Variants in STX8 observed in about 807,000 individuals in gnomAD.
The protein encoded by STX8 is syntaxin 8.
A neutral mutation model predicts 37.5 loss-of-function variants in STX8; 23 were observed. The ratio of observed to expected loss-of-function variants is 0.61; its 90% CI spans 0.44 to 0.87. The LOEUF is 0.87. Ranked by LOEUF, STX8 falls within the 40% of genes least tolerant of loss-of-function variation. STX8 has a pLI of 0.00. For synonymous variants in STX8, 115 were observed against 99.1 expected (o/e 1.16, Z -0.95); for missense variants, 313 against 284.7 (o/e 1.10, Z -0.71).
At chr17:9,253,886 A>G (rs192555156) in intron 7 of STX8, among the ~76,000 whole-genome samples, 2 of 152,248 alleles carry the variant, frequency 1.3e-5, no homozygotes, top group Non-Finnish European at 2.9e-5. Context: ...GGAAGAAGAA[A>G]ACACACATCT....
At chr17:9,342,079 T>C (rs1010727905) in intron 7 of STX8, among the ~76,000 whole-genome samples, 1 of 152,080 alleles carries the variant, frequency 6.6e-6, no homozygotes, top group African/African-American at 2.4e-5. Flanking sequence ...GTTTTCGGGA[T>C]GAAACTGTTT....
At chr17:9,526,437 T>C (rs1905573853) in intron 4 of STX8, among the ~76,000 whole-genome samples, 1 of 152,150 alleles carries the variant, frequency 6.6e-6, no homozygotes, top group South Asian at 2.1e-4. Flanking sequence ...CCAACACTCA[T>C]GTATGCTTAG....
In STX8 at chr17:9,545,276, C is replaced by T. The variant is rs1567604944; in HGVS notation, c.219G>A (p.Gln73=). 3 of 1,611,932 alleles carry T rather than the reference C, an allele frequency of 1.9e-6. No individual in the cohort carries two copies. The highest frequency in any genetic ancestry group is 2.5e-6 in the Non-Finnish European group (3 of 1,178,352). The change falls in exon 4 of 8, where the codon CAG becomes CAA. Residue 73 remains glutamine, a synonymous_variant. Transcript: ENST00000306357. The part of the protein sequence containing the change: ...LRAVSTHQIT[Q]LEGDRRQNLL... ...GGTTCTGTCTTCGGTCCCCTTCAAG[C>T]TGTGTTCTGCAGATATCTTGTTAAG...
chr17:9,320,490 A>T (rs1909540909), intron 7 of STX8, among the ~76,000 whole-genome samples: 1 of 152,216 alleles, frequency 6.6e-6, no homozygotes, highest in Non-Finnish European at 1.5e-5. Context: ...ATCATTAACC[A>T]TAGCTCATTT....
chr17:9,520,196 G>C (rs1263391510), intron 4 of STX8, among the ~76,000 whole-genome samples: 1 of 152,184 alleles, frequency 6.6e-6, no homozygotes, highest in African/African-American at 2.4e-5. Flanking sequence ...AACAAAATGA[G>C]AGAAGCATTT....
intron 7 of STX8, among the ~76,000 whole-genome samples, chr17:9,335,215 G>A (rs527800277): frequency 2.2e-4 from 33 of 152,284 alleles, no homozygotes; most frequent in South Asian, 8.3e-4. Flanking sequence ...GGTTACCTGC[G>A]TCAGGAATAA....
chr17:9,445,788 C>G (rs1424246301), intron 6 of STX8, among the ~76,000 whole-genome samples: 1 of 151,748 alleles, frequency 6.6e-6, no homozygotes, highest in Non-Finnish European at 1.5e-5. Flanking sequence ...TTTTTTTGCA[C>G]ATCTTTTCTA....
intron 7 of STX8, among the ~76,000 whole-genome samples, chr17:9,262,699 A>G (rs1318841964): frequency 6.6e-6 from 1 of 151,880 alleles, no homozygotes; most frequent in Non-Finnish European, 1.5e-5. Flanking sequence ...CTCCTGCCTC[A>G]GCCTCCCGAG....
At chr17:9,531,393 A>AT (rs1396697724) in intron 4 of STX8, among the ~76,000 whole-genome samples, 1 of 152,220 alleles carries the variant, frequency 6.6e-6, no homozygotes, top group Non-Finnish European at 1.5e-5. Context: ...TGACTTTACA[A>AT]TATTGAGTCT....
chr17:9,362,299 T>C (rs1407427359), intron 7 of STX8, among the ~76,000 whole-genome samples: 1 of 152,116 alleles, frequency 6.6e-6, no homozygotes, highest in Admixed American at 6.6e-5. Flanking sequence ...TACTCGGGCC[T>C]GCATGACAGT....
chr17:9,374,899 AC>A (rs1370623958), intron 7 of STX8, among the ~76,000 whole-genome samples: 1 of 151,934 alleles, frequency 6.6e-6, no homozygotes, highest in Non-Finnish European at 1.5e-5. Context: ...CTCCATCTCT[AC>A]TAAAAATACA....
At chr17:9,296,280 A>G (rs1055614215) in intron 7 of STX8, among the ~76,000 whole-genome samples, 25 of 151,754 alleles carry the variant, frequency 1.6e-4, no homozygotes, top group African/African-American at 5.6e-4. Context: ...TGGGAGGCAG[A>G]GCTTGCAGTG....
At chr17:9,528,445 G>A (rs887674907) in intron 4 of STX8, among the ~76,000 whole-genome samples, 26 of 152,254 alleles carry the variant, frequency 1.7e-4, no homozygotes, top group Middle Eastern at 3.4e-3. Flanking sequence ...TTACAGGCGC[G>A]TGCCACCATG....
At chr17:9,526,752 C>T (rs1306877115) in intron 4 of STX8, among the ~76,000 whole-genome samples, 2 of 151,956 alleles carry the variant, frequency 1.3e-5, no homozygotes, top group East Asian at 3.9e-4. Flanking sequence ...TGCCTGTAAT[C>T]CCAGCTACTC....
chr17:9,379,855 C>T (rs965421185), intron 6 of STX8, among the ~76,000 whole-genome samples: 3 of 151,906 alleles, frequency 2.0e-5, no homozygotes, highest in Non-Finnish European at 2.9e-5. Context: ...GTAATCCTAC[C>T]TACTCGGGAG....
intron 2 of STX8, among the ~76,000 whole-genome samples, chr17:9,565,922 T>C (rs12449320): frequency 0.76 from 115,697 of 152,188 alleles, 45,052 homozygotes; most frequent in East Asian, 0.98. Flanking sequence ...GACAAAGACA[T>C]CAAAAGCAAT....
chr17:9,484,136 C>G (rs2168858), intron 6 of STX8, among the ~76,000 whole-genome samples: 21,260 of 152,056 alleles, frequency 0.14, 2,807 homozygotes, highest in East Asian at 0.73. Context: ...AGTTTCTGAA[C>G]CCTTATTCAT....
intron 7 of STX8, among the ~76,000 whole-genome samples, chr17:9,318,364 T>C (rs1909459164): frequency 8.1e-6 from 1 of 124,054 alleles, no homozygotes; most frequent in Non-Finnish European, 1.6e-5. Context: ...GAAAACAAAA[T>C]ACAACATGTG....
rs558822079 is a variant in STX8, at chr17:9,436,135, G to A, written c.541+55694C>T. 5.3e-5 allele frequency among the ~76,000 whole-genome samples: 8 copies of A among 151,512 alleles called. No homozygotes were observed. The East Asian group carries it at 1.5e-3, about 29-fold the overall frequency. On this transcript the variant is annotated intron_variant, in intron 6 of 7. Coordinates refer to ENST00000306357, the MANE Select transcript of STX8 (RefSeq NM_004853.3). ...CCGTGGCTCACGAGGTCAGGTGATC[G>A]AGACCATCCTGACTAACACGGTGAA...
Sources: allele counts gnomAD v4.1 joint callset (sites outside exome capture counted in the v4.1 genomes callset), GRCh38; gene constraint gnomAD v4.1.1; transcripts MANE v1.5; gene names NCBI Gene and HGNC (gene_info 2026-07-23, HGNC 2026-07-21).